Variants in RASGRP1 observed in about 807,000 individuals in gnomAD.
RASGRP1 encodes the protein RAS guanyl-releasing protein 1.
Under a neutral mutation model 95.1 loss-of-function variants are expected in RASGRP1, and 37 were observed. That is an observed-to-expected ratio of 0.39 (90% CI 0.30 to 0.51). The LOEUF is 0.51. RASGRP1 is among the 20% of genes least tolerant of loss of function. The pLI is 0.80. For synonymous variants in RASGRP1, 325 were observed against 353.4 expected (o/e 0.92, Z 0.90); for missense variants, 711 against 965.4 (o/e 0.74, Z 3.49).
At chr15:38,498,593 A>G (rs1283869664) in intron 15 of RASGRP1, among the ~76,000 whole-genome samples, 4 of 152,168 alleles carry the variant, frequency 2.6e-5, no homozygotes, top group Non-Finnish European at 5.9e-5. Context: ...ATGCCTAACT[A>G]GGACTCTGCT....
chr15:38,505,708 A>G (rs1308021075), intron 10 of RASGRP1, 132 bp downstream of exon 10: 9 of 699,590 alleles, frequency 1.3e-5, no homozygotes, highest in African/African-American at 8.9e-5. Flanking sequence ...TGTTCCTAGC[A>G]TAAGGTTGAG....
At chr15:38,505,784 G>T (rs556137897) in intron 10 of RASGRP1, 56 bp downstream of exon 10, 7 of 1,366,440 alleles carry the variant, frequency 5.1e-6, no homozygotes, top group Non-Finnish European at 7.2e-6. Context: ...GAATGAACTC[G>T]AGGAGAAGCT....
chr15:38,494,867 AGTTCCATAT>A, intron 15 of RASGRP1, 100 bp from the exon 16 acceptor site: 2 of 1,089,948 alleles, frequency 1.8e-6, no homozygotes, highest in Non-Finnish European at 2.4e-6. Flanking sequence ...TTGTTACTGG[AGTTCCATAT>A]GTTCAAAGAG....
chr15:38,557,593 G>GTA (rs1202765009), intron 2 of RASGRP1, among the ~76,000 whole-genome samples: 46 of 139,584 alleles, frequency 3.3e-4, no homozygotes, highest in Middle Eastern at 3.7e-3. Flanking sequence ...CCTGTCCTTT[G>GTA]TATATATATG....
chr15:38,544,532 G>A (rs1169398199), intron 2 of RASGRP1, among the ~76,000 whole-genome samples: 1 of 152,184 alleles, frequency 6.6e-6, no homozygotes, highest in Non-Finnish European at 1.5e-5. Context: ...TCTTGGGAAA[G>A]GGTTAGTTAT....
chr15:38,535,541 G>A (rs932656262), intron 2 of RASGRP1, among the ~76,000 whole-genome samples: 1 of 152,082 alleles, frequency 6.6e-6, no homozygotes, highest in Admixed American at 6.5e-5. Flanking sequence ...GTGGCCAGGG[G>A]GTGAAAATTC....
intron 2 of RASGRP1, among the ~76,000 whole-genome samples, chr15:38,537,732 G>A (rs1394090780): frequency 6.6e-6 from 1 of 152,032 alleles, no homozygotes; most frequent in Non-Finnish European, 1.5e-5. Context: ...ATGAGATTTG[G>A]GCAGGAACAA....
chr15:38,515,667 A>G (rs1248311046), intron 6 of RASGRP1, among the ~76,000 whole-genome samples: 1 of 151,728 alleles, frequency 6.6e-6, no homozygotes, highest in Admixed American at 6.6e-5. Context: ...GGATTTAGGT[A>G]TGTTCTGGGC....
intron 2 of RASGRP1, among the ~76,000 whole-genome samples, chr15:38,545,533 G>A (rs1665757224): frequency 6.6e-6 from 1 of 150,938 alleles, no homozygotes; most frequent in African/African-American, 2.4e-5. Context: ...GTTCTTCCCT[G>A]ACAGTTTTTT....
chr15:38,523,480 A>G (rs1892075914), intron 3 of RASGRP1, among the ~76,000 whole-genome samples: 1 of 152,230 alleles, frequency 6.6e-6, no homozygotes, highest in Non-Finnish European at 1.5e-5. Flanking sequence ...TTTAAAAATT[A>G]AGTTTATAAC....
At chr15:38,500,823 A>G (rs535551196) in intron 13 of RASGRP1, among the ~76,000 whole-genome samples, 96 of 152,360 alleles carry the variant, frequency 6.3e-4, no homozygotes, top group African/African-American at 2.3e-3. Context: ...GTTATCTCCT[A>G]AAGACAGAAG....
Position 38,507,884 on chromosome 15 carries a change from G to A in RASGRP1, c.1084C>T (p.Leu362Phe). 6.2e-7 allele frequency: 1 copy of A among 1,613,698 alleles called. No individual in the cohort carries two copies. The highest frequency in any genetic ancestry group is 8.5e-7 in the Non-Finnish European group (1 of 1,179,832). The change falls in exon 9 of 17, where the codon CTC becomes TTC. Residue 362 changes from leucine to phenylalanine, a missense_variant. Physicochemically the swap from Leu to Phe is conservative, Grantham distance 22. Around this residue, in one of 3 missense-constraint regions of RASGRP1, gnomAD observed 491 missense variants for 676.6 expected, o/e 0.73. Coordinates refer to ENST00000310803, the MANE Select transcript of RASGRP1 (RefSeq NM_005739.4). ...GGCATGGCTTCATACAGGGAGATGA[G>A]GTCCTTGAGATGCACACCCAGAATG... Reference protein sequence around the residue: ...IPILGVHLKDLISLYEAMPDY... With the variant: ...IPILGVHLKDFISLYEAMPDY...
intron 3 of RASGRP1, among the ~76,000 whole-genome samples, chr15:38,519,579 T>G (rs1213727414): frequency 6.6e-6 from 1 of 152,160 alleles, no homozygotes; most frequent in Non-Finnish European, 1.5e-5. Flanking sequence ...ATGATGGTAA[T>G]TTTCTCTCCA....
At chr15:38,498,746 C>CCCTT (rs759491195) in intron 15 of RASGRP1, 48 bp downstream of exon 15, 2 of 1,588,988 alleles carry the variant, frequency 1.3e-6, no homozygotes, top group Non-Finnish European at 1.7e-6. Context: ...TAAAACTTTT[C>CCCTT]CCTTCCTACT....
At chr15:38,545,699 C>G (rs1893079395) in intron 2 of RASGRP1, among the ~76,000 whole-genome samples, 1 of 152,122 alleles carries the variant, frequency 6.6e-6, no homozygotes, top group South Asian at 2.1e-4. Flanking sequence ...AGAAGAGACA[C>G]ATACATACAC....
At chr15:38,525,918 G>A (rs1892201169) in intron 3 of RASGRP1, among the ~76,000 whole-genome samples, 1 of 152,170 alleles carries the variant, frequency 6.6e-6, no homozygotes, top group Admixed American at 6.5e-5. Context: ...GGAGAAAGTT[G>A]AAGAATTGGA....
At chr15:38,557,241 A>G (rs748656945) in intron 2 of RASGRP1, among the ~76,000 whole-genome samples, 21 of 152,152 alleles carry the variant, frequency 1.4e-4, no homozygotes, top group Non-Finnish European at 2.5e-4. Flanking sequence ...TTTCCTCTGT[A>G]GCCCAATTTC....
intron 3 of RASGRP1, among the ~76,000 whole-genome samples, chr15:38,521,948 T>C (rs1422466746): frequency 6.6e-6 from 1 of 152,126 alleles, no homozygotes; most frequent in East Asian, 1.9e-4. Context: ...TACAGGAGTA[T>C]TATTTCATAC....
chr15:38,490,511 G>A lies in RASGRP1; in HGVS notation c.*43C>T. On this transcript the variant is annotated 3_prime_UTR_variant, in exon 17 of 17. Coordinates refer to ENST00000310803, the MANE Select transcript of RASGRP1 (RefSeq NM_005739.4). ...CTGTGCATTACAGTTTAGGAAATGA[G>A]ATCACTATACTCATCTACAGATTGT... is the stretch of plus-strand genomic sequence containing the variant. The A allele has an allele frequency of 1.9e-6, 3 of 1,583,024 alleles. No individual in the cohort carries two copies. The highest frequency in any genetic ancestry group is 2.6e-6 in the Non-Finnish European group (3 of 1,165,702).
Sources: gnomAD v4.1 joint callset for allele counts (sites outside exome capture counted in the v4.1 genomes callset) on GRCh38, gnomAD v4.1.1 for gene constraint, gnomAD v4.1.1 regional missense constraint, MANE v1.5 for transcripts, NCBI Gene and HGNC (gene_info 2026-07-23, HGNC 2026-07-21) for gene names.